The following PAXBP1 variants were observed in gnomAD, a reference collection of about 807,000 sequenced individuals.
PAXBP1 encodes the protein PAX3 and PAX7 binding protein 1, also known as PAX3- and PAX7-binding protein 1.
A neutral mutation model predicts 119.9 loss-of-function variants in PAXBP1; 44 were observed. That is an observed-to-expected ratio of 0.37 (90% CI 0.29 to 0.47). The LOEUF is 0.47. Ranked by LOEUF, PAXBP1 falls within the 20% of genes least tolerant of loss-of-function variation. The probability of loss-of-function intolerance (pLI) is 0.99; values close to 1 mark genes in which losing one functional copy is unlikely to be tolerated. For missense variants in PAXBP1, 898 were observed against 1,134.1 expected, an observed-to-expected ratio of 0.79 and a Z score of 2.99; for synonymous variants, 393 against 406.6, an observed-to-expected ratio of 0.97 and a Z score of 0.40.
intron 8 of PAXBP1, chr21:32,752,249 G>A (rs567878245): frequency 1.3e-5 from 2 of 152,248 alleles, no homozygotes; most frequent in African/African-American, 4.8e-5. Context: ...TCTTTTGTTG[G>A]GGATCCCCAG....
At chr21:32,760,935 C>T in intron 5 of PAXBP1, 124 bp downstream of exon 5, 2 of 624,534 alleles carry the variant, frequency 3.2e-6, no homozygotes, top group Non-Finnish European at 5.6e-6. Context: ...GTGTGTGTGT[C>T]TCCTCATGGG....
intron 14 of PAXBP1, 44 bp downstream of exon 14, chr21:32,743,634 C>T: frequency 7.2e-7 from 1 of 1,388,958 alleles, no homozygotes; most frequent in South Asian, 1.2e-5. Context: ...TTCTCTGAAA[C>T]ACAATGGAGA....
chr21:32,771,474 G>A lies in PAXBP1; in HGVS notation c.195C>T (p.Ser65=), dbSNP rs1385558085. The change falls in exon 1 of 18, where the codon TCC becomes TCT. Residue 65 remains serine, a synonymous_variant. Transcript: ENST00000331923. ...SLLGPGPSPP[S]ALTPGLGAEA... ...CAGCCCCGAGGCCCGGGGTCAGCGC[G>A]GAAGGCGGCGACGGCCCCGGGCCCA... is the stretch of plus-strand genomic sequence containing the variant. 3.0e-6 allele frequency: 4 copies of A among 1,335,686 alleles called. No individual in the cohort carries two copies. Among genetic ancestry groups the A allele is most frequent in the East Asian group, 6.2e-5 (2 of 32,186 alleles). 82.7% of individuals were successfully genotyped at this position (1,335,686 alleles called of 1,614,324 possible).
intron 15 of PAXBP1, among the ~76,000 whole-genome samples, chr21:32,741,812 A>G (rs12627478): frequency 0.083 from 12,683 of 152,278 alleles, 694 homozygotes; most frequent in South Asian, 0.16. Flanking sequence ...AACAGGACTG[A>G]AAGGTGGGCA....
intron 11 of PAXBP1, 25 bp from the exon 12 acceptor site, chr21:32,745,743 C>T (rs758824771): frequency 6.2e-7 from 1 of 1,612,512 alleles, no homozygotes; most frequent in South Asian, 1.1e-5. Context: ...AAAGGTTACC[C>T]AAATACTAAA....
intron 17 of PAXBP1, among the ~76,000 whole-genome samples, 179 bp downstream of exon 17, chr21:32,737,075 A>T (rs1353736477): frequency 6.6e-6 from 1 of 152,234 alleles, no homozygotes; most frequent in Admixed American, 6.5e-5. Flanking sequence ...CATAAATAAC[A>T]TACTGAAAAA....
At position 32,738,476 on chromosome 21, in the gene PAXBP1, A is replaced by G. The variant is rs2043725681; in HGVS notation, c.2335-157T>C. ...TTCAAAGGTACAGATATTTCCTAGAATGGTTACATTTGAATATTCAATTTT... is the reference window on the plus strand; with the variant it reads ...TTCAAAGGTACAGATATTTCCTAGAGTGGTTACATTTGAATATTCAATTTT... On this transcript the variant is annotated intron_variant, in intron 15 of 17. Coordinates refer to ENST00000331923, the MANE Select transcript of PAXBP1 (RefSeq NM_016631.4). 8 of 637,700 alleles carry G rather than the reference A, an allele frequency of 1.3e-5. No homozygotes were observed. The South Asian group carries it at 1.3e-4, about 10-fold the overall frequency. The allele number at this position is 637,700 out of a possible 1,614,324, so 39.5% of individuals were successfully genotyped here.
chr21:32,756,618 G>A (rs2044046493), intron 7 of PAXBP1: 5 of 261,036 alleles, frequency 1.9e-5, no homozygotes, highest in South Asian at 1.1e-4. Flanking sequence ...TTTTTTTTTA[G>A]CAATTACTGC....
chr21:32,742,776 A>G (rs1200720350), intron 15 of PAXBP1: 1 of 291,214 alleles, frequency 3.4e-6, no homozygotes, highest in East Asian at 9.0e-5. Flanking sequence ...TATAACCTTT[A>G]CCACAGTATA....
At chr21:32,742,942 ACATATAC>A (rs1307289344) in intron 15 of PAXBP1, 1 of 517,640 alleles carries the variant, frequency 1.9e-6, no homozygotes, top group African/African-American at 1.9e-5. Context: ...GCATCTTAGA[ACATATAC>A]CCCATGGATA....
chr21:32,771,069 T>G lies in PAXBP1; in HGVS notation c.343+257A>C, dbSNP rs1601616144. 2.0e-5 allele frequency among the ~76,000 whole-genome samples: 3 copies of G among 152,178 alleles called. No homozygotes were observed. In the South Asian group the frequency reaches 6.2e-4, roughly 32 times the overall value. On this transcript the variant is annotated intron_variant, in intron 1 of 17. Transcript: ENST00000331923. ...AGGACAGGGAACACCGAATTTCCCC[T>G]GAAACACTCTGAATGCCTGATCTGA...
In PAXBP1 at chr21:32,762,165, C is replaced by A; in HGVS notation, c.802G>T (p.Asp268Tyr). ...ENDASDDEDD[D>Y]EKRRIVFSVK... ...GAAAAAACTATCCGGCGTTTCTCATCGTCATCTTCATCATCACTGGCATCA... is the reference window on the plus strand; with the variant it reads ...GAAAAAACTATCCGGCGTTTCTCATAGTCATCTTCATCATCACTGGCATCA... The change falls in exon 4 of 18, where the codon GAT becomes TAT. Residue 268 changes from aspartate to tyrosine, a missense_variant. This residue lies in a region of PAXBP1 where 599 missense variants were observed against 852.7 expected (regional missense o/e 0.70). Coordinates refer to ENST00000331923, the MANE Select transcript of PAXBP1 (RefSeq NM_016631.4). 1.9e-6 allele frequency: 3 copies of A among 1,614,206 alleles called. No homozygotes were observed. Among genetic ancestry groups the A allele is most frequent in the Non-Finnish European group, 2.5e-6 (3 of 1,180,034 alleles).
At chr21:32,747,908 C>T (rs1428989955) in intron 11 of PAXBP1, among the ~76,000 whole-genome samples, 4 of 151,856 alleles carry the variant, frequency 2.6e-5, no homozygotes, top group African/African-American at 7.3e-5. Context: ...CCTCAGCCCC[C>T]GAAGTAGCTA....
chr21:32,760,949 T>C (rs2044134085), intron 5 of PAXBP1, 110 bp downstream of exon 5: 1 of 767,500 alleles, frequency 1.3e-6, no homozygotes, highest in South Asian at 1.7e-5. Flanking sequence ...TCATGGGATT[T>C]TGTTACTTGA....
At chr21:32,758,963 C>T in intron 7 of PAXBP1, 117 bp downstream of exon 7, 1 of 998,064 alleles carries the variant, frequency 1.0e-6, no homozygotes, top group Admixed American at 2.4e-5. Flanking sequence ...CTTTTCATCA[C>T]TTCTAATGTT....
chr21:32,763,752 G>C (rs1361144232), intron 3 of PAXBP1, among the ~76,000 whole-genome samples: 1 of 152,114 alleles, frequency 6.6e-6, no homozygotes, highest in African/African-American at 2.4e-5. Flanking sequence ...TTGGGAGGCC[G>C]AGGCAGGCGG....
chr21:32,740,086 CT>C (rs1191145408), intron 15 of PAXBP1, among the ~76,000 whole-genome samples: 2 of 151,914 alleles, frequency 1.3e-5, no homozygotes, highest in Non-Finnish European at 2.9e-5. Flanking sequence ...CCTCTTCAAG[CT>C]GGGGACCCCG....
chr21:32,737,487 G>T, intron 16 of PAXBP1, 79 bp from the exon 17 acceptor site: 1 of 1,179,344 alleles, frequency 8.5e-7, no homozygotes, highest in Non-Finnish European at 1.2e-6. Context: ...TAGTTAATGG[G>T]TATAAATGTA....
intron 10 of PAXBP1, among the ~76,000 whole-genome samples, chr21:32,749,925 C>T (rs994532520): frequency 1.3e-5 from 2 of 152,028 alleles, no homozygotes; most frequent in Non-Finnish European, 2.9e-5. Flanking sequence ...AATGTCATAA[C>T]CAAATGCAGA....
Sources: allele counts gnomAD v4.1 joint callset (sites outside exome capture counted in the v4.1 genomes callset), GRCh38; gene constraint gnomAD v4.1.1; regional missense constraint gnomAD v4.1.1; transcripts MANE v1.5; gene names NCBI Gene and HGNC (gene_info 2026-07-23, HGNC 2026-07-21).